KLHL13: variants seen among roughly 807,000 people sequenced by gnomAD.
The protein encoded by KLHL13 is kelch like family member 13, also known as kelch-like protein 13.
A neutral mutation model predicts 37.1 loss-of-function variants in KLHL13; 10 were observed. That is an observed-to-expected ratio of 0.27 (90% CI 0.17 to 0.46). The LOEUF (loss-of-function observed/expected upper bound fraction) is 0.46. Among genes scored for constraint, KLHL13 ranks in the 20% least tolerant of loss-of-function variants. KLHL13 has a pLI of 1.00. For missense variants in KLHL13, 360 were observed against 509.3 expected (o/e 0.71, Z 2.82); for synonymous variants, 163 against 181.2 (o/e 0.90, Z 0.81).
intron 2 of KLHL13, among the ~76,000 whole-genome samples, chrX:117,925,791 T>TA (rs896687068): frequency 8.9e-6 from 1 of 111,908 alleles, no homozygotes; most frequent in Non-Finnish European, 1.9e-5. Context: ...ACATTGGTGA[T>TA]AAAAATTTTT....
chrX:118,011,550 G>C (rs1420286047), intron 1 of KLHL13, among the ~76,000 whole-genome samples: 2 of 110,736 alleles, frequency 1.8e-5, no homozygotes, highest in African/African-American at 6.6e-5. Context: ...ATCTAAGGAA[G>C]TGATAATAAG....
intron 2 of KLHL13, among the ~76,000 whole-genome samples, chrX:117,941,636 A>C (rs970886789): frequency 7.2e-5 from 8 of 111,885 alleles, no homozygotes; most frequent in Admixed American, 4.7e-4. Context: ...AGGTGTTTGT[A>C]GTATTCTCTG....
At chrX:118,001,529 TAAATCCTG>T (rs750099373) in intron 1 of KLHL13, among the ~76,000 whole-genome samples, 105 of 111,676 alleles carry the variant, frequency 9.4e-4, no homozygotes, top group Admixed American at 2.7e-3. Flanking sequence ...TATACAAGGC[TAAATCCTG>T]ATTGTCAGAA....
intron 1 of KLHL13, among the ~76,000 whole-genome samples, chrX:118,019,244 T>A (rs1477937490): frequency 8.9e-6 from 1 of 111,967 alleles, no homozygotes; most frequent in Non-Finnish European, 1.9e-5. Context: ...ATTTGACATT[T>A]ACAAATACAG....
chrX:117,923,010 A>G (rs1931809108), intron 2 of KLHL13, among the ~76,000 whole-genome samples: 1 of 111,965 alleles, frequency 8.9e-6, no homozygotes, highest in Admixed American at 9.5e-5. Flanking sequence ...GATAACACAG[A>G]TAGTCTTCTA....
chrX:118,090,030 G>A (rs1413880084), intron 1 of KLHL13, among the ~76,000 whole-genome samples: 6 of 101,705 alleles, frequency 5.9e-5, no homozygotes, highest in East Asian at 3.2e-4. Flanking sequence ...GCAGTGAGCC[G>A]AGATCATGCC....
chrX:117,918,713 T>C (rs1300392415), intron 4 of KLHL13, among the ~76,000 whole-genome samples: 4 of 111,716 alleles, frequency 3.6e-5, no homozygotes, highest in Non-Finnish European at 5.6e-5. Flanking sequence ...ATGTGTCCTA[T>C]CTTATCTATT....
intron 1 of KLHL13, among the ~76,000 whole-genome samples, chrX:118,066,730 C>T (rs1195586834): frequency 9.0e-6 from 1 of 110,721 alleles, no homozygotes; most frequent in Non-Finnish European, 1.9e-5. Flanking sequence ...AAATTGCAAC[C>T]CACACATCTG....
upstream of KLHL13, among the ~76,000 whole-genome samples, chrX:117,976,894 G>A (rs1049753517): frequency 8.9e-6 from 1 of 112,074 alleles, no homozygotes; most frequent in African/African-American, 3.2e-5. Flanking sequence ...AAGATTTGTT[G>A]AAATTTTAGG....
chrX:118,113,239 G>GT (rs1349661802), intron 1 of KLHL13, among the ~76,000 whole-genome samples: 1 of 111,368 alleles, frequency 9.0e-6, no homozygotes, highest in Non-Finnish European at 1.9e-5. Context: ...TGATCATAGA[G>GT]TTTTTTTTAT....
intron 2 of KLHL13, among the ~76,000 whole-genome samples, chrX:117,933,089 G>A (rs760839794): frequency 1.8e-5 from 2 of 109,119 alleles, no homozygotes; most frequent in Admixed American, 9.8e-5. Context: ...TTGCTGTTGA[G>A]TTCCTTATAC....
intron 1 of KLHL13, chrX:117,985,416 C>T: frequency 1.1e-6 from 1 of 923,299 alleles, no homozygotes; most frequent in Non-Finnish European, 1.3e-6. Flanking sequence ...TCAGTTGTAG[C>T]TCCCAAAAGC....
chrX:117,994,659 G>C (rs1029781480), intron 1 of KLHL13, among the ~76,000 whole-genome samples: 14 of 112,152 alleles, frequency 1.2e-4, no homozygotes, highest in Non-Finnish European at 1.9e-5. Context: ...GGCACATTCA[G>C]CTTCTTCCTT....
rs760459980 is a variant in KLHL13, at chrX:118,019,955, A to C, written c.-55-74380T>G. 6.9e-3 allele frequency among the ~76,000 whole-genome samples: 742 copies of C among 107,336 alleles called. 11 individuals are homozygous for C. The highest frequency in any genetic ancestry group is 0.024 in the African/African-American group (703 of 29,017). 93.2% of individuals were successfully genotyped at this position (107,336 alleles called of 115,157 possible). ...GCCTCCAGCTTTGTTCTTTTGGCTT[A>C]GGATTGACTTGGTGATGTGGGCTCT... On this transcript the variant is annotated intron_variant, in intron 1 of 6. Transcript: ENST00000371882.
exon 7 of KLHL13, chrX:117,899,120 C>G (rs755151154): frequency 2.5e-6 from 3 of 1,211,479 alleles, no homozygotes; most frequent in Non-Finnish European, 3.4e-6. Flanking sequence ...ATTTTATTTT[C>G]GAAGACAGCG....
chrX:118,028,536 A>G (rs772830969), intron 1 of KLHL13, 39 bp from the exon 2 acceptor site: 10 of 620,481 alleles, frequency 1.6e-5, no homozygotes, highest in Middle Eastern at 3.1e-4. Flanking sequence ...TACTATGAAG[A>G]TTAACACTGG....
intron 1 of KLHL13, among the ~76,000 whole-genome samples, chrX:117,966,679 C>T (rs1455732463): frequency 1.8e-5 from 2 of 111,059 alleles, no homozygotes; most frequent in African/African-American, 6.6e-5. Flanking sequence ...GCTACAGTAA[C>T]CAAAACAGCA....
At chrX:118,080,431 A>C (rs2054978194) in intron 1 of KLHL13, among the ~76,000 whole-genome samples, 1 of 111,303 alleles carries the variant, frequency 9.0e-6, no homozygotes, top group African/African-American at 3.3e-5. Flanking sequence ...AGCAAGAAAC[A>C]ACCCCATTAA....
exon 5 of KLHL13, chrX:117,909,537 G>T: frequency 8.3e-7 from 1 of 1,211,145 alleles, no homozygotes; most frequent in Non-Finnish European, 1.1e-6. Context: ...GTACCTTGGG[G>T]CATCCATGGG....
Sources: gnomAD v4.1 joint callset for allele counts (sites outside exome capture counted in the v4.1 genomes callset) on GRCh38, gnomAD v4.1.1 for gene constraint, MANE v1.5 for transcripts, NCBI Gene and HGNC (gene_info 2026-07-23, HGNC 2026-07-21) for gene names.